The following ERLEC1 variants were observed in gnomAD, a reference collection of about 807,000 sequenced individuals.
ERLEC1 encodes ER lectin.
A neutral mutation model predicts 68.0 loss-of-function variants in ERLEC1; 47 were observed. The observed-to-expected ratio is 0.69, with a 90% CI of 0.55 to 0.88. ERLEC1 has a LOEUF of 0.88. ERLEC1 is among the 40% of genes least tolerant of loss of function. ERLEC1 has a pLI of 0.00. For missense variants in ERLEC1, 567 were observed against 583.8 expected, an observed-to-expected ratio of 0.97 and a Z score of 0.30; for synonymous variants, 225 against 203.2, an observed-to-expected ratio of 1.11 and a Z score of -0.91.
At position 53,801,232 on chromosome 2, in the gene ERLEC1, G is replaced by A. The variant is rs1004741017; in HGVS notation, c.526-165G>A. ...CATATTTGCTCAAATAAAAACTTAC[G>A]AATCAAAATAATATTAGAGGGAGAA... On this transcript the variant is annotated intron_variant, in intron 6 of 13. Coordinates refer to ENST00000185150, the MANE Select transcript of ERLEC1 (RefSeq NM_015701.5). 8.5e-5 allele frequency among the ~76,000 whole-genome samples: 13 copies of A among 152,100 alleles called. No individual in the cohort carries two copies. In the East Asian group the frequency reaches 2.1e-3, roughly 25 times the overall value.
intron 3 of ERLEC1, among the ~76,000 whole-genome samples, chr2:53,796,246 G>GTTTTTTTTTTTTTTTTTT (rs200295316): frequency 7.9e-6 from 1 of 126,466 alleles, no homozygotes; most frequent in Non-Finnish European, 1.7e-5. Context: ...TGATGGGTTG[G>GTTTTTTTTTTTTTTTTTT]TTTTTTTTTT....
At chr2:53,807,051 C>T (rs950074227) in intron 8 of ERLEC1, among the ~76,000 whole-genome samples, 1 of 152,198 alleles carries the variant, frequency 6.6e-6, no homozygotes, top group African/African-American at 2.4e-5. Context: ...TTCTTCCTTG[C>T]CACTGCTGAA....
At chr2:53,814,985 A>G in intron 13 of ERLEC1, 50 bp downstream of exon 13, 1 of 967,258 alleles carries the variant, frequency 1.0e-6, no homozygotes, top group Non-Finnish European at 1.5e-6. Context: ...CCATGTTTTA[A>G]TTTTTTTTTC....
chr2:53,798,435 A>G (rs1384152299), intron 5 of ERLEC1, among the ~76,000 whole-genome samples: 1 of 151,578 alleles, frequency 6.6e-6, no homozygotes, highest in Non-Finnish European at 1.5e-5. Flanking sequence ...TAATTTTCGT[A>G]TTTGTTGTAG....
chr2:53,797,189 C>T (rs982157451), intron 3 of ERLEC1, among the ~76,000 whole-genome samples: 1 of 152,078 alleles, frequency 6.6e-6, no homozygotes, highest in Non-Finnish European at 1.5e-5. Flanking sequence ...GCCAGTACAC[C>T]CGGCCGAGTA....
chr2:53,795,033 TA>T (rs10711696), intron 2 of ERLEC1, among the ~76,000 whole-genome samples: 78,576 of 152,036 alleles, frequency 0.52, 20,704 homozygotes, highest in East Asian at 0.62. Flanking sequence ...TAAAACAAGA[TA>T]ACAATTTTTA....
At chr2:53,807,107 A>G (rs945537924) in intron 8 of ERLEC1, among the ~76,000 whole-genome samples, 54 of 152,284 alleles carry the variant, frequency 3.5e-4, no homozygotes, top group Non-Finnish European at 1.6e-4. Flanking sequence ...CCTAAATCCT[A>G]TAAAATGATG....
At chr2:53,814,691 G>A (rs1045754350) in intron 12 of ERLEC1, 71 bp downstream of exon 12, 4 of 1,142,802 alleles carry the variant, frequency 3.5e-6, no homozygotes, top group African/African-American at 3.1e-5. Flanking sequence ...AAAGTTTTAT[G>A]TAAACAGTAT....
intron 1 of ERLEC1, 154 bp downstream of exon 1, chr2:53,787,526 T>G: frequency 1.2e-6 from 1 of 841,400 alleles, no homozygotes; most frequent in African/African-American, 1.7e-5. Context: ...CGTTCATTCA[T>G]TCGTTCGTTC....
chr2:53,810,756 T>TTTTTG (rs1025426774), intron 10 of ERLEC1, among the ~76,000 whole-genome samples: 5 of 152,214 alleles, frequency 3.3e-5, no homozygotes, highest in Non-Finnish European at 2.9e-5. Flanking sequence ...GTGTTCGGTT[T>TTTTTG]TTTTGTTTTG....
intron 1 of ERLEC1, among the ~76,000 whole-genome samples, chr2:53,787,803 C>T (rs149364003): frequency 5.3e-5 from 8 of 152,344 alleles, no homozygotes; most frequent in Middle Eastern, 3.4e-3. Context: ...AGTTCCCTCT[C>T]TCGTATTCGT....
At chr2:53,795,074 T>C (rs1232693910) in intron 2 of ERLEC1, among the ~76,000 whole-genome samples, 1 of 152,230 alleles carries the variant, frequency 6.6e-6, no homozygotes, top group East Asian at 1.9e-4. Context: ...AAATAAATGA[T>C]TGTTTATAAA....
intron 8 of ERLEC1, among the ~76,000 whole-genome samples, chr2:53,806,992 T>C (rs1328922874): frequency 1.3e-5 from 2 of 152,218 alleles, no homozygotes; most frequent in Non-Finnish European, 2.9e-5. Context: ...CCTGGGTTAC[T>C]GTAACTCCTA....
chr2:53,790,124 C>T (rs1675310090), intron 1 of ERLEC1, among the ~76,000 whole-genome samples: 2 of 151,628 alleles, frequency 1.3e-5, no homozygotes, highest in Admixed American at 6.6e-5. Flanking sequence ...GACAGAGTCT[C>T]GCTCTGTCAC....
At chr2:53,806,011 T>G (rs181954674) in intron 8 of ERLEC1, among the ~76,000 whole-genome samples, 60 of 152,350 alleles carry the variant, frequency 3.9e-4, no homozygotes, top group Admixed American at 1.2e-3. Flanking sequence ...AATCACTTTT[T>G]CATAAATCTG....
At chr2:53,799,466 C>T (rs997282970) in intron 6 of ERLEC1, among the ~76,000 whole-genome samples, 1 of 152,096 alleles carries the variant, frequency 6.6e-6, no homozygotes, top group African/African-American at 2.4e-5. Flanking sequence ...TACCAAACTG[C>T]AAGCATGTTA....
At chr2:53,794,204 A>T (rs1395547460) in intron 1 of ERLEC1, 141 bp from the exon 2 acceptor site, 7 of 517,254 alleles carry the variant, frequency 1.4e-5, no homozygotes, top group Non-Finnish European at 2.4e-5. Context: ...TGTTTGTAGC[A>T]TATTTTCCCT....
intron 3 of ERLEC1, 39 bp from the exon 4 acceptor site, chr2:53,797,476 T>C (rs1389135097): frequency 6.8e-7 from 1 of 1,472,908 alleles, no homozygotes; most frequent in South Asian, 1.2e-5. Flanking sequence ...AGCTGAGTTA[T>C]GTGGCTTTTG....
chr2:53,815,008 T>C lies in ERLEC1; in HGVS notation c.1380+73T>C, dbSNP rs1035623221. The C allele has an allele frequency of 5.3e-5, 53 of 1,008,052 alleles. No homozygotes were observed. The African/African-American group carries it at 7.0e-4, about 13-fold the overall frequency. 62.4% of individuals were successfully genotyped at this position (1,008,052 alleles called of 1,614,324 possible). A position where few individuals can be genotyped will look rare whatever the true frequency, so the allele number is the denominator to read the frequency against. On this transcript the variant is annotated intron_variant, in intron 13 of 13. Transcript: ENST00000185150. ...TAATTTTTTTTTCTTTTTTTTTTTT[T>C]TTTTTTTTGTTTTTTTGAGACGGAG...
Sources: gnomAD v4.1 joint callset for allele counts (sites outside exome capture counted in the v4.1 genomes callset) on GRCh38, gnomAD v4.1.1 for gene constraint, MANE v1.5 for transcripts, NCBI Gene and HGNC (gene_info 2026-07-23, HGNC 2026-07-21) for gene names.